Variants in DHRSX observed in about 807,000 individuals in gnomAD.
DHRSX encodes the protein polyprenol dehydrogenase.
DHRSX carries 31 observed loss-of-function variants against 34.0 expected under a neutral mutation model. The observed-to-expected ratio is 0.91, with a 90% CI of 0.69 to 1.23. The LOEUF (loss-of-function observed/expected upper bound fraction) is 1.23, where lower values mean the gene tolerates loss of function less well. DHRSX is among the 50% of genes most tolerant of loss of function. The pLI is 0.00. For missense variants in DHRSX, 414 were observed against 428.1 expected, an observed-to-expected ratio of 0.97 and a Z score of 0.29; for synonymous variants, 201 against 183.8, an observed-to-expected ratio of 1.09 and a Z score of -0.76.
At chrX:2,385,167 C>T (rs867698364) in intron 3 of DHRSX, among the ~76,000 whole-genome samples, 2 of 145,346 alleles carry the variant, frequency 1.4e-5, no homozygotes, top group Non-Finnish European at 1.5e-5. Flanking sequence ...TGTGTGTATA[C>T]ATACATACAC....
At chrX:2,307,112 C>T (rs1017661324) in intron 3 of DHRSX, among the ~76,000 whole-genome samples, 5 of 151,742 alleles carry the variant, frequency 3.3e-5, no homozygotes, top group African/African-American at 9.7e-5. Context: ...GCATATATAC[C>T]GTAGAATAGT....
intron 3 of DHRSX, among the ~76,000 whole-genome samples, chrX:2,400,948 A>AC (rs1275348764): frequency 6.6e-6 from 1 of 152,106 alleles, no homozygotes; most frequent in Non-Finnish European, 1.5e-5. Context: ...TGCAAAATTT[A>AC]CCTTCTTGAC....
chrX:2,480,033 G>A (rs1481514531), intron 1 of DHRSX, among the ~76,000 whole-genome samples: 1 of 152,000 alleles, frequency 6.6e-6, no homozygotes, highest in Non-Finnish European at 1.5e-5. Context: ...CCAAAGGAAA[G>A]GAAATCAGCC....
chrX:2,320,151 C>T (rs769211266), intron 3 of DHRSX, among the ~76,000 whole-genome samples: 2 of 151,108 alleles, frequency 1.3e-5, no homozygotes, highest in African/African-American at 2.4e-5. Flanking sequence ...TTTTGTGCCA[C>T]GTGATAAATA....
chrX:2,494,685 T>C (rs1380298164), intron 1 of DHRSX, among the ~76,000 whole-genome samples: 2 of 151,996 alleles, frequency 1.3e-5, no homozygotes, highest in African/African-American at 4.8e-5. Flanking sequence ...ACCAAAGGTC[T>C]GTTTTCTATT....
At chrX:2,416,222 A>T (rs2043691395) in intron 2 of DHRSX, among the ~76,000 whole-genome samples, 1 of 152,000 alleles carries the variant, frequency 6.6e-6, no homozygotes, top group Non-Finnish European at 1.5e-5. Context: ...TGACCAATCA[A>T]CTAGACCTCA....
At chrX:2,257,329 G>A (rs868269710) in intron 5 of DHRSX, among the ~76,000 whole-genome samples, 1 of 152,198 alleles carries the variant, frequency 6.6e-6, no homozygotes, top group Admixed American at 6.5e-5. Flanking sequence ...TCAGGGAGAT[G>A]GAGACGGAGC....
At chrX:2,398,200 A>G (rs1042333595) in intron 3 of DHRSX, among the ~76,000 whole-genome samples, 9 of 152,168 alleles carry the variant, frequency 5.9e-5, no homozygotes, top group African/African-American at 2.2e-4. Context: ...CGTGCATTCA[A>G]TAGCAAAATA....
intron 3 of DHRSX, among the ~76,000 whole-genome samples, chrX:2,345,458 C>A (rs1027816898): frequency 1.4e-4 from 22 of 151,816 alleles, no homozygotes; most frequent in Non-Finnish European, 3.1e-4. Context: ...GCCTGGCCAA[C>A]ATGGTGAAAC....
intron 1 of DHRSX, among the ~76,000 whole-genome samples, chrX:2,452,919 T>A (rs2044245292): frequency 6.6e-6 from 1 of 152,238 alleles, no homozygotes; most frequent in Non-Finnish European, 1.5e-5. Flanking sequence ...ATGGGATACC[T>A]GCCCCACTGT....
intron 1 of DHRSX, among the ~76,000 whole-genome samples, chrX:2,451,536 C>T: frequency 6.6e-6 from 1 of 152,186 alleles, no homozygotes. Context: ...TGGTAGCAAG[C>T]GTGTAGGGGA....
chrX:2,497,646 T>C (rs1194888006), intron 1 of DHRSX, among the ~76,000 whole-genome samples: 1 of 152,238 alleles, frequency 6.6e-6, no homozygotes, highest in Non-Finnish European at 1.5e-5. Flanking sequence ...AGGAATATTC[T>C]GTGGCCTATT....
intron 3 of DHRSX, among the ~76,000 whole-genome samples, chrX:2,316,429 G>A (rs1158232752): frequency 2.0e-5 from 3 of 152,156 alleles, no homozygotes; most frequent in Non-Finnish European, 4.4e-5. Context: ...GTGGGCGCCT[G>A]TAATCCCAGC....
At chrX:2,496,625 C>A (rs1031847693) in intron 1 of DHRSX, among the ~76,000 whole-genome samples, 2 of 152,046 alleles carry the variant, frequency 1.3e-5, no homozygotes, top group Non-Finnish European at 2.9e-5. Flanking sequence ...TCCCCAATAA[C>A]CTATGGAAAT....
chrX:2,243,054 G>T lies in DHRSX; in HGVS notation c.773C>A (p.Ala258Glu), dbSNP rs768516472. 6.2e-7 allele frequency: 1 copy of T among 1,613,584 alleles called. No individual in the cohort carries two copies. Among genetic ancestry groups the T allele is most frequent in the Non-Finnish European group, 8.5e-7 (1 of 1,179,718 alleles). ...AAGCAACCAGCCGAGAAGCTTCTTC[G>T]CCAGACGGGTGGCCCAGAACACGTG... ...YKHVFWATRL[A>E]KKLLGWLLFK... Residue 258 changes from alanine (A) to glutamate (E), a missense_variant, in exon 6 of 7, where the codon GCG becomes GAG. Physicochemically the swap from Ala to Glu is moderately radical, Grantham distance 107. Coordinates refer to ENST00000334651, the MANE Select transcript of DHRSX (RefSeq NM_145177.3).
intron 2 of DHRSX, among the ~76,000 whole-genome samples, chrX:2,421,686 G>T: frequency 6.6e-6 from 1 of 152,278 alleles, no homozygotes; most frequent in East Asian, 1.9e-4. Context: ...CAGCAGCCGT[G>T]CATTTGCCCC....
chrX:2,224,521 T>A (rs1256655455), intron 6 of DHRSX, among the ~76,000 whole-genome samples: 1 of 152,174 alleles, frequency 6.6e-6, no homozygotes, highest in Non-Finnish European at 1.5e-5. Context: ...GCAAGCGCAT[T>A]GTGCTGAAAA....
intron 6 of DHRSX, among the ~76,000 whole-genome samples, chrX:2,225,051 A>C (rs2015617273): frequency 7.0e-6 from 1 of 142,364 alleles, no homozygotes; most frequent in Non-Finnish European, 1.5e-5. Context: ...ACATGCATTC[A>C]CATTTACATA....
intron 3 of DHRSX, among the ~76,000 whole-genome samples, chrX:2,303,106 G>A (rs2042032783): frequency 6.6e-6 from 1 of 152,146 alleles, no homozygotes; most frequent in African/African-American, 2.4e-5. Context: ...CACAAGCTGA[G>A]CTTCCAAAAA....
Sources: gnomAD v4.1 joint callset for allele counts (sites outside exome capture counted in the v4.1 genomes callset) on GRCh38, gnomAD v4.1.1 for gene constraint, MANE v1.5 for transcripts, NCBI Gene and HGNC (gene_info 2026-07-23, HGNC 2026-07-21) for gene names.